The following RANBP2 variants were observed in gnomAD, a reference collection of about 807,000 sequenced individuals.
The protein encoded by RANBP2 is E3 SUMO-protein ligase RanBP2.
RANBP2 carries 57 observed loss-of-function variants against 303.6 expected under a neutral mutation model. The ratio of observed to expected loss-of-function variants is 0.19; its 90% CI spans 0.15 to 0.23. RANBP2 has a LOEUF of 0.23. Ranked by LOEUF, RANBP2 falls within the 10% of genes least tolerant of loss-of-function variation. RANBP2 has a pLI of 1.00. For synonymous variants in RANBP2, 1,167 were observed against 1,301.5 expected (o/e 0.90, Z 2.23); for missense variants, 3,138 against 3,780.8 (o/e 0.83, Z 4.46).
chr2:109,116,328 T>G, the RANBP2 span, among the ~76,000 whole-genome samples: 5 of 152,194 alleles, frequency 3.3e-5, no homozygotes, highest in Non-Finnish European at 7.3e-5. Context: ...CTTTGTTCGT[T>G]TCTTTTTATT....
chr2:109,336,259 T>C, the RANBP2 span, among the ~76,000 whole-genome samples: 1 of 152,240 alleles, frequency 6.6e-6, no homozygotes, highest in South Asian at 2.1e-4. Flanking sequence ...CTGGGAAGGC[T>C]GTCTTGTTCT....
the RANBP2 span, among the ~76,000 whole-genome samples, chr2:109,374,611 G>T: frequency 6.6e-6 from 1 of 152,202 alleles, no homozygotes; most frequent in African/African-American, 2.4e-5. Flanking sequence ...CAGGCAGCCG[G>T]CACAGTCCCG....
chr2:108,936,490 C>G, the RANBP2 span, among the ~76,000 whole-genome samples: 1 of 152,276 alleles, frequency 6.6e-6, no homozygotes, highest in African/African-American at 2.4e-5. Flanking sequence ...GGGCTCCCTG[C>G]CCACCCAGCG....
chr2:109,024,847 A>G, the RANBP2 span, among the ~76,000 whole-genome samples: 1 of 152,214 alleles, frequency 6.6e-6, no homozygotes, highest in Non-Finnish European at 1.5e-5. Context: ...TTATTTTATG[A>G]TTGCAAAAAC....
the RANBP2 span, chr2:109,502,639 C>T: frequency 1.3e-5 from 2 of 152,152 alleles, no homozygotes; most frequent in African/African-American, 2.4e-5. Context: ...CTTACCAAAA[C>T]CCCGCGCTCT....
At chr2:109,017,594 T>C in the RANBP2 span, among the ~76,000 whole-genome samples, 2 of 152,228 alleles carry the variant, frequency 1.3e-5, no homozygotes, top group African/African-American at 2.4e-5. Flanking sequence ...CTTGCCAAGT[T>C]TGGTTGAAGC....
chr2:109,069,305 T>G, the RANBP2 span, among the ~76,000 whole-genome samples: 3 of 152,362 alleles, frequency 2.0e-5, no homozygotes, highest in African/African-American at 7.2e-5. Flanking sequence ...GATGTTTGAT[T>G]TGGACACATG....
At chr2:109,674,678 GTAA>G in the RANBP2 span, among the ~76,000 whole-genome samples, 1 of 152,224 alleles carries the variant, frequency 6.6e-6, no homozygotes, top group Non-Finnish European at 1.5e-5. Context: ...TTAATAAGTA[GTAA>G]TGATTTTATG....
the RANBP2 span, among the ~76,000 whole-genome samples, chr2:109,483,038 A>G: frequency 6.6e-6 from 1 of 152,298 alleles, no homozygotes; most frequent in African/African-American, 2.4e-5. Flanking sequence ...TATTCATTGT[A>G]GATCTTCTAT....
the RANBP2 span, among the ~76,000 whole-genome samples, chr2:109,196,986 G>A: frequency 3.3e-5 from 5 of 152,194 alleles, no homozygotes; most frequent in Non-Finnish European, 5.9e-5. Flanking sequence ...CAGGTGCTTA[G>A]TTTGATTTCC....
chr2:109,432,329 G>A, the RANBP2 span, among the ~76,000 whole-genome samples: 2 of 152,190 alleles, frequency 1.3e-5, no homozygotes, highest in African/African-American at 4.8e-5. Context: ...TTGTTATGAG[G>A]AGTGAGCTGG....
At chr2:109,193,831 T>A in the RANBP2 span, among the ~76,000 whole-genome samples, 2,318 of 152,306 alleles carry the variant, frequency 0.015, 69 homozygotes, top group African/African-American at 0.053. Flanking sequence ...ACCCAGCACC[T>A]GATTTAAGTC....
chr2:108,894,182 T>G, the RANBP2 span, among the ~76,000 whole-genome samples: 1 of 152,204 alleles, frequency 6.6e-6, no homozygotes, highest in Non-Finnish European at 1.5e-5. Flanking sequence ...CAAGACAGTT[T>G]GTTACACAGA....
At chr2:108,934,837 TTTAA>T in the RANBP2 span, among the ~76,000 whole-genome samples, 13 of 152,192 alleles carry the variant, frequency 8.5e-5, no homozygotes, top group Non-Finnish European at 1.5e-4. Flanking sequence ...GGATTAAGTT[TTTAA>T]CACATAAACT....
At chr2:109,636,093 G>A in the RANBP2 span, among the ~76,000 whole-genome samples, 3 of 152,190 alleles carry the variant, frequency 2.0e-5, no homozygotes, top group African/African-American at 7.2e-5. Flanking sequence ...GGCACCATCT[G>A]TGAACCAGGA....
the RANBP2 span, chr2:109,737,440 G>A: frequency 1.5e-6 from 1 of 650,604 alleles, no homozygotes; most frequent in South Asian, 1.8e-5. Context: ...ATCTTCTATG[G>A]GGTGGGTGCA....
chr2:109,208,386 T>C, the RANBP2 span, among the ~76,000 whole-genome samples: 1 of 152,232 alleles, frequency 6.6e-6, no homozygotes, highest in East Asian at 1.9e-4. Flanking sequence ...TCTTCAGGGA[T>C]GGGCAGCTTA....
Position 108,763,458 on chromosome 2 carries a change from A to G in RANBP2, c.2919A>G (p.Pro973=). The G allele has an allele frequency of 2.5e-6, 4 of 1,613,906 alleles. No individual in the cohort carries two copies. Among genetic ancestry groups the G allele is most frequent in the Non-Finnish European group, 3.4e-6 (4 of 1,179,952 alleles). Residue 973 remains proline, a synonymous_variant, in exon 20 of 29, where the codon CCA becomes CCG. Transcript: ENST00000283195. ...NYNVQQTSTN[P]PLPEPGYFTK... ...ATGTTCAACAGACAAGCACAAATCC[A>G]CCTTTGCCAGAACCAGGATATTTCA...
the RANBP2 span, among the ~76,000 whole-genome samples, chr2:109,021,966 G>C: frequency 1.3e-5 from 2 of 152,214 alleles, no homozygotes; most frequent in African/African-American, 4.8e-5. Flanking sequence ...GGAACTTTTA[G>C]ATGGGCCTTG....
Sources: gnomAD v4.1 joint callset for allele counts (sites outside exome capture counted in the v4.1 genomes callset) on GRCh38, gnomAD v4.1.1 for gene constraint, MANE v1.5 for transcripts, NCBI Gene and HGNC (gene_info 2026-07-23, HGNC 2026-07-21) for gene names.